LONRF3: variants seen among roughly 807,000 people sequenced by gnomAD.
LONRF3 encodes LON peptidase N-terminal domain and ring finger 3.
A neutral mutation model predicts 51.7 loss-of-function variants in LONRF3; 19 were observed. The ratio of observed to expected loss-of-function variants is 0.37; its 90% CI spans 0.26 to 0.54. The LOEUF (loss-of-function observed/expected upper bound fraction) is 0.54. Among genes scored for constraint, LONRF3 ranks in the 20% least tolerant of loss-of-function variants. LONRF3 has a pLI of 0.86. For missense variants in LONRF3, 521 were observed against 623.9 expected, an observed-to-expected ratio of 0.84 and a Z score of 1.76; for synonymous variants, 265 against 257.8, an observed-to-expected ratio of 1.03 and a Z score of -0.27.
intron 7 of LONRF3, among the ~76,000 whole-genome samples, chrX:119,010,756 C>G (rs1925044742): frequency 9.0e-6 from 1 of 111,042 alleles, no homozygotes. Context: ...GACAAGGATC[C>G]CAGAAGAGCT....
chrX:118,977,931 T>C, intron 1 of LONRF3, among the ~76,000 whole-genome samples: 1 of 111,992 alleles, frequency 8.9e-6, no homozygotes. Context: ...ATTTGTCTTC[T>C]TGGTGGTTCA....
At chrX:118,980,357 G>A (rs967311334) in intron 2 of LONRF3, among the ~76,000 whole-genome samples, 4 of 111,887 alleles carry the variant, frequency 3.6e-5, no homozygotes, top group African/African-American at 1.3e-4. Flanking sequence ...CACACTCAGT[G>A]GGACAAATAT....
At chrX:119,013,497 G>A (rs1925247412) in intron 9 of LONRF3, among the ~76,000 whole-genome samples, 1 of 112,001 alleles carries the variant, frequency 8.9e-6, no homozygotes, top group Non-Finnish European at 1.9e-5. Context: ...AAGATTGCAA[G>A]GAATGGATCT....
At chrX:119,015,247 G>GA (rs1281532011) in intron 10 of LONRF3, among the ~76,000 whole-genome samples, 7 of 111,639 alleles carry the variant, frequency 6.3e-5, no homozygotes, top group Non-Finnish European at 1.3e-4. Flanking sequence ...TGTCACAAAA[G>GA]AAAAAATCTC....
intron 5 of LONRF3, among the ~76,000 whole-genome samples, chrX:118,993,128 C>A (rs779497124): frequency 3.6e-5 from 4 of 110,740 alleles, no homozygotes; most frequent in South Asian, 3.8e-4. Context: ...ACACCCCCCC[C>A]CAAAAACCAC....
intron 3 of LONRF3, 116 bp from the exon 4 acceptor site, chrX:118,989,292 T>G: frequency 1.2e-6 from 1 of 850,697 alleles, no homozygotes; most frequent in Non-Finnish European, 1.7e-6. Flanking sequence ...GTGTCCACTA[T>G]GAGTTCGGGG....
chrX:119,011,990 G>A lies in LONRF3; in HGVS notation c.1811+17G>A. On this transcript the variant is annotated intron_variant, in intron 8 of 10. Coordinates refer to ENST00000371628, the MANE Select transcript of LONRF3 (RefSeq NM_001031855.3). Reference sequence around the variant, plus strand: ...TGTCAAAGGGTAAGTGAGGAGCCATGCGAGCAAAGGGAGGTTGTGTAATGA... The same window carrying A: ...TGTCAAAGGGTAAGTGAGGAGCCATACGAGCAAAGGGAGGTTGTGTAATGA... The A allele has an allele frequency of 8.3e-7, 1 of 1,209,232 alleles. No individual in the cohort carries two copies. The highest frequency in any genetic ancestry group is 1.8e-5 in the South Asian group (1 of 56,806).
At chrX:118,989,046 C>T (rs1923217659) in intron 3 of LONRF3, among the ~76,000 whole-genome samples, 1 of 110,305 alleles carries the variant, frequency 9.1e-6, no homozygotes, top group Non-Finnish European at 1.9e-5. Flanking sequence ...CACTGCCTGC[C>T]TTGGTTTTGC....
At chrX:118,996,854 G>A (rs770635603) in intron 5 of LONRF3, among the ~76,000 whole-genome samples, 4 of 107,776 alleles carry the variant, frequency 3.7e-5, no homozygotes, top group East Asian at 5.8e-4. Context: ...CCCAGGAGGC[G>A]GAGCTTGCAG....
intron 3 of LONRF3, among the ~76,000 whole-genome samples, chrX:118,988,759 G>C (rs1471325482): frequency 3.7e-5 from 4 of 107,564 alleles, no homozygotes; most frequent in Non-Finnish European, 7.6e-5. Flanking sequence ...TCTTGAAAAG[G>C]CTAGAGACAT....
chrX:119,015,676 C>T lies in LONRF3; in HGVS notation c.2124+1320C>T, dbSNP rs543843451. 5.5e-4 allele frequency among the ~76,000 whole-genome samples: 62 copies of T among 112,303 alleles called. No individual in the cohort carries two copies. The South Asian group carries it at 0.022, about 40-fold the overall frequency. On this transcript the variant is annotated intron_variant, in intron 10 of 10. Transcript: ENST00000371628. ...AAAAGATACAGATCAGCAATGGTAA[C>T]GGGAAAACACAGATGCTACAGTGTG...
intron 3 of LONRF3, among the ~76,000 whole-genome samples, chrX:118,984,300 T>C (rs1419440632): frequency 8.9e-6 from 1 of 112,291 alleles, no homozygotes; most frequent in African/African-American, 3.2e-5. Flanking sequence ...CTGCTTCCCA[T>C]GAGGACATGG....
At position 119,014,104 on chromosome X, in the gene LONRF3, T is replaced by C. The variant is rs181564375; in HGVS notation, c.1975-103T>C. On this transcript the variant is annotated intron_variant, in intron 9 of 10. Coordinates refer to ENST00000371628, the MANE Select transcript of LONRF3 (RefSeq NM_001031855.3). ...AAAGCTGAATGGGTGAGCCTTCCCA[T>C]AGGAAGGCAGGATGGATGCTCAAAG... 59 of 894,577 alleles carry C rather than the reference T, an allele frequency of 6.6e-5. No individual in the cohort carries two copies. The African/African-American group carries it at 8.9e-4, about 13-fold the overall frequency. 73.7% of individuals were successfully genotyped at this position (894,577 alleles called of 1,213,427 possible). A position where few individuals can be genotyped will look rare whatever the true frequency, so the allele number is the denominator to read the frequency against.
Position 119,011,894 on chromosome X carries a change from T to C in LONRF3, c.1732T>C (p.Cys578Arg), listed in dbSNP as rs1293913697. ...VPCPLHIFEP[C>R]YRLMIRRCIE... The stretch of plus-strand genomic sequence containing the variant: ...TTGTCCCCTGCACATCTTTGAGCCT[T>C]GTTACCGCCTGATGATTCGTAGATG... Residue 578 changes from cysteine to arginine, a missense_variant, in exon 8 of 11, where the codon TGT becomes CGT. Coordinates refer to ENST00000371628, the MANE Select transcript of LONRF3 (RefSeq NM_001031855.3). 8.3e-7 allele frequency: 1 copy of C among 1,211,789 alleles called. No homozygotes were observed. Among genetic ancestry groups the C allele is most frequent in the South Asian group, 1.8e-5 (1 of 56,977 alleles).
intron 3 of LONRF3, chrX:118,987,009 C>T (rs781211607): frequency 8.7e-7 from 1 of 1,149,687 alleles, no homozygotes; most frequent in East Asian, 3.3e-5. Flanking sequence ...GGCACCTCAC[C>T]CTAGATTAAA....
chrX:119,014,168 AGG>A (rs1925287820), intron 9 of LONRF3, 37 bp from the exon 10 acceptor site: 1 of 1,168,135 alleles, frequency 8.6e-7, no homozygotes, highest in East Asian at 3.0e-5. Context: ...AATGATGGAG[AGG>A]GTACAGAATG....
chrX:118,982,758 T>C, intron 2 of LONRF3, 63 bp from the exon 3 acceptor site: 1 of 1,184,066 alleles, frequency 8.4e-7, no homozygotes, highest in Non-Finnish European at 1.1e-6. Context: ...GGTTAGTTAT[T>C]GTTAGAGCAG....
rs1360222578 is a variant in LONRF3 at position 118,975,214 on chromosome X, C to T, written c.434C>T (p.Ala145Val). ...GCGGCGGAAGAGACGGGGGCCGCCG[C>T]GGCTGCGGCGGCCACCGAGGTGTGG... ...TVAAEETGAA[A>V]AAAATEVWDG... Residue 145 changes from alanine (A) to valine (V), a missense_variant, in exon 1 of 11, where the codon GCG becomes GTG. This residue lies in a region of LONRF3 where 376 missense variants were observed against 376.7 expected (regional missense o/e 1.00). Coordinates refer to ENST00000371628, the MANE Select transcript of LONRF3 (RefSeq NM_001031855.3). The T allele has an allele frequency of 1.7e-6, 2 of 1,170,605 alleles. No individual in the cohort carries two copies. The highest frequency in any genetic ancestry group is 3.2e-5 in the East Asian group (1 of 31,193).
intron 2 of LONRF3, among the ~76,000 whole-genome samples, chrX:118,979,979 ATGGGGAGG>A (rs1467070071): frequency 8.9e-6 from 1 of 112,370 alleles, no homozygotes; most frequent in East Asian, 2.8e-4. Flanking sequence ...CTTGCAAACC[ATGGGGAGG>A]TGGCTTCACT....
Sources: gnomAD v4.1 joint callset for allele counts (sites outside exome capture counted in the v4.1 genomes callset) on GRCh38, gnomAD v4.1.1 for gene constraint, gnomAD v4.1.1 regional missense constraint, MANE v1.5 for transcripts, NCBI Gene and HGNC (gene_info 2026-07-23, HGNC 2026-07-21) for gene names.